NEO1: variants seen among roughly 807,000 people sequenced by gnomAD.
NEO1 encodes neogenin.
Under a neutral mutation model 159.7 loss-of-function variants are expected in NEO1, and 63 were observed. The ratio of observed to expected loss-of-function variants is 0.39; its 90% CI spans 0.32 to 0.49. The LOEUF (loss-of-function observed/expected upper bound fraction) is 0.49. NEO1 is among the 20% of genes least tolerant of loss of function. The pLI is 0.85. For missense variants in NEO1, 1,615 were observed against 1,831.0 expected, an observed-to-expected ratio of 0.88 and a Z score of 2.15; for synonymous variants, 633 against 662.0, an observed-to-expected ratio of 0.96 and a Z score of 0.67.
intron 14 of NEO1, among the ~76,000 whole-genome samples, chr15:73,259,321 A>G (rs969016099): frequency 1.3e-5 from 2 of 151,206 alleles, no homozygotes; most frequent in South Asian, 2.1e-4. Context: ...TAGGTGCTGG[A>G]CTTGGGAGGC....
At chr15:73,113,563 A>C (rs2071124437) in intron 1 of NEO1, among the ~76,000 whole-genome samples, 1 of 152,184 alleles carries the variant, frequency 6.6e-6, no homozygotes, top group Non-Finnish European at 1.5e-5. Flanking sequence ...CTTCTAGCTC[A>C]AGGTAGTTCA....
rs2036999756 is a variant in NEO1 at position 73,203,124 on chromosome 15, A to G, written c.1291+24697A>G. Among the ~76,000 whole-genome samples, 7 of 152,156 alleles carry G rather than the reference A, an allele frequency of 4.6e-5. No homozygotes were observed. In the South Asian group the frequency reaches 1.4e-3, roughly 32 times the overall value. On this transcript the variant is annotated intron_variant, in intron 7 of 28. Coordinates refer to ENST00000261908, the MANE Select transcript of NEO1 (RefSeq NM_002499.4). ...GCTTTCAATTCTCTAGTGTATACTC[A>G]GAGTGGAATTGCTGGATCATATGAT...
chr15:73,201,983 G>A (rs148855211), intron 7 of NEO1, among the ~76,000 whole-genome samples: 41,001 of 119,738 alleles, frequency 0.34, 7,885 homozygotes, highest in Admixed American at 0.47. Flanking sequence ...TTTTTGAGAC[G>A]GAGTTTTGCT....
chr15:73,152,072 AATAC>A (rs1458122595), intron 5 of NEO1, among the ~76,000 whole-genome samples: 1 of 152,222 alleles, frequency 6.6e-6, no homozygotes, highest in Non-Finnish European at 1.5e-5. Flanking sequence ...TAAATAAATA[AATAC>A]ATAAATACAT....
At chr15:73,247,349 C>T (rs1301392868) in intron 9 of NEO1, among the ~76,000 whole-genome samples, 1 of 152,144 alleles carries the variant, frequency 6.6e-6, no homozygotes, top group African/African-American at 2.4e-5. Context: ...AATTCATTAG[C>T]ACCTTTTTTA....
intron 5 of NEO1, among the ~76,000 whole-genome samples, chr15:73,171,129 A>G (rs74025258): frequency 0.013 from 1,947 of 152,318 alleles, 31 homozygotes; most frequent in African/African-American, 0.044. Flanking sequence ...AAAACCTTAT[A>G]TTACAAATGA....
At chr15:73,149,830 C>T (rs1390889159) in intron 5 of NEO1, among the ~76,000 whole-genome samples, 1 of 152,118 alleles carries the variant, frequency 6.6e-6, no homozygotes, top group Non-Finnish European at 1.5e-5. Flanking sequence ...GGATTTCTAT[C>T]ATCTCAAACA....
chr15:73,274,297 T>C (rs771853071), intron 20 of NEO1, among the ~76,000 whole-genome samples: 6 of 152,194 alleles, frequency 3.9e-5, no homozygotes, highest in Non-Finnish European at 7.3e-5. Context: ...AGATCAGATA[T>C]GATTCTTTTG....
At chr15:73,131,490 T>C (rs1408000417) in intron 4 of NEO1, among the ~76,000 whole-genome samples, 1 of 152,222 alleles carries the variant, frequency 6.6e-6, no homozygotes. Context: ...TTAACATCTG[T>C]TTTCTTCTCC....
chr15:73,240,933 G>A (rs763947662), intron 8 of NEO1, among the ~76,000 whole-genome samples: 12 of 152,004 alleles, frequency 7.9e-5, no homozygotes, highest in African/African-American at 2.2e-4. Context: ...TAATCTTATC[G>A]GCTTAAATTT....
rs543106994 is a variant in NEO1 at position 73,153,942 on chromosome 15, G to A, written c.1015+17915G>A. 5.3e-5 allele frequency among the ~76,000 whole-genome samples: 8 copies of A among 152,148 alleles called. 1 individual carries two copies. In the South Asian group the frequency reaches 1.7e-3, roughly 32 times the overall value. On this transcript the variant is annotated intron_variant, in intron 5 of 28. Coordinates refer to ENST00000261908, the MANE Select transcript of NEO1 (RefSeq NM_002499.4). ...GTAGAATTATGAGGCATTTTGACTTGCCAAGAAATTTAATTATAGTAGAAA... is the reference window on the plus strand; with the variant it reads ...GTAGAATTATGAGGCATTTTGACTTACCAAGAAATTTAATTATAGTAGAAA...
intron 7 of NEO1, among the ~76,000 whole-genome samples, chr15:73,210,287 T>C (rs2037485516): frequency 6.6e-6 from 1 of 152,208 alleles, no homozygotes; most frequent in Admixed American, 6.5e-5. Context: ...CCCTTTAGCC[T>C]AGTCATTTCT....
At chr15:73,290,903 C>T (rs180670987) in intron 25 of NEO1, among the ~76,000 whole-genome samples, 7 of 152,274 alleles carry the variant, frequency 4.6e-5, no homozygotes, top group South Asian at 4.2e-4. Context: ...GCTTCAAGCA[C>T]GTGGATGTCT....
At chr15:73,129,762 T>C (rs1369891309) in intron 4 of NEO1, among the ~76,000 whole-genome samples, 1 of 152,218 alleles carries the variant, frequency 6.6e-6, no homozygotes, top group Non-Finnish European at 1.5e-5. Flanking sequence ...ATGCTTGATA[T>C]TATTACAATT....
intron 1 of NEO1, among the ~76,000 whole-genome samples, chr15:73,085,291 A>G (rs1191233054): frequency 6.6e-5 from 10 of 152,166 alleles, no homozygotes; most frequent in Admixed American, 1.3e-4. Flanking sequence ...ATGAATCTCA[A>G]TGTTGTATGA....
chr15:73,055,976 A>C (rs564061521), intron 1 of NEO1, among the ~76,000 whole-genome samples: 1 of 152,112 alleles, frequency 6.6e-6, no homozygotes, highest in Non-Finnish European at 1.5e-5. Context: ...CTCCATAATT[A>C]ATCTCTTTGT....
chr15:73,199,133 T>G (rs2036708611), intron 7 of NEO1, among the ~76,000 whole-genome samples: 2 of 150,764 alleles, frequency 1.3e-5, no homozygotes, highest in Non-Finnish European at 2.9e-5. Context: ...AACTTATCAG[T>G]TTTGAGGAGC....
intron 15 of NEO1, among the ~76,000 whole-genome samples, chr15:73,265,448 A>G (rs996988525): frequency 6.6e-6 from 1 of 152,222 alleles, no homozygotes; most frequent in Non-Finnish European, 1.5e-5. Context: ...CTGTATTTGT[A>G]ATTGATGACA....
Position 73,271,933 on chromosome 15 carries a change from A to C in NEO1, c.2858-522A>C, listed in dbSNP as rs559602009. Among the ~76,000 whole-genome samples, 10 of 150,470 alleles carry C rather than the reference A, an allele frequency of 6.6e-5. No individual in the cohort carries two copies. In the East Asian group the frequency reaches 1.9e-3, roughly 29 times the overall value. ...AAAAAAAAAAAAAAAAAACAGCTAT[A>C]TTTGGTTTGGAGAGCCAACTATAAA... On this transcript the variant is annotated intron_variant, in intron 18 of 28. Coordinates refer to ENST00000261908, the MANE Select transcript of NEO1 (RefSeq NM_002499.4).
Sources: gnomAD v4.1 joint callset for allele counts (sites outside exome capture counted in the v4.1 genomes callset) on GRCh38, gnomAD v4.1.1 for gene constraint, MANE v1.5 for transcripts, NCBI Gene and HGNC (gene_info 2026-07-23, HGNC 2026-07-21) for gene names.